DDX3X: variants seen among roughly 807,000 people sequenced by gnomAD.
DDX3X encodes the protein ATP-dependent RNA helicase DDX3X.
DDX3X carries 4 observed loss-of-function variants against 52.7 expected under a neutral mutation model. The ratio of observed to expected loss-of-function variants is 0.08; its 90% CI spans 0.04 to 0.17. The LOEUF is 0.17. Ranked by LOEUF, DDX3X falls within the 10% of genes least tolerant of loss-of-function variation. The pLI is 1.00. For missense variants in DDX3X, 222 were observed against 548.6 expected (o/e 0.40, Z 5.95); for synonymous variants, 192 against 178.1 (o/e 1.08, Z -0.62).
chrX:41,340,898 G>A (rs777443120), intron 3 of DDX3X: 50 of 291,230 alleles, frequency 1.7e-4, no homozygotes, highest in Admixed American at 3.7e-4. Flanking sequence ...GTCATAATGC[G>A]TTACAGGCAA....
At chrX:41,351,151 CATG>C (rs1265764531), downstream of DDX3X, 1 of 111,431 alleles carries the variant, frequency 9.0e-6, no homozygotes, top group African/African-American at 3.3e-5. Context: ...GAAAGTGACT[CATG>C]GAGTGAAACG....
At chrX:41,356,763 G>A (rs1313980690) in intron 5 of DDX3X, among the ~76,000 whole-genome samples, 1 of 109,047 alleles carries the variant, frequency 9.2e-6, no homozygotes, top group Non-Finnish European at 1.9e-5. Context: ...GTGCCCGGCC[G>A]GCATCATTCG....
rs762467559 is a variant in DDX3X at position 41,347,747 on chromosome X, A to T, written c.*28A>T. On this transcript the variant is annotated 3_prime_UTR_variant, in exon 17 of 17. Coordinates refer to ENST00000644876, the MANE Select transcript of DDX3X (RefSeq NM_001356.5). ...CTGCTTTGCAGTAGGTCACCCTGCC[A>T]AACAAGCTAATATGGAAACCACATG... The T allele has an allele frequency of 3.9e-6, 4 of 1,023,172 alleles. No individual in the cohort carries two copies. In the Admixed American group the frequency reaches 1.1e-4, roughly 27 times the overall value. The allele number at this position is 1,023,172 out of a possible 1,213,427, so 84.3% of individuals were successfully genotyped here.
intron 2 of DDX3X, chrX:41,337,854 T>C (rs1312695295): frequency 2.4e-5 from 3 of 122,984 alleles, no homozygotes; most frequent in Admixed American, 1.8e-4. Flanking sequence ...GAAAGAACCT[T>C]ATTATATCAA....
chrX:41,334,534 G>T lies in DDX3X; in HGVS notation c.45+237G>T, dbSNP rs769551044. On this transcript the variant is annotated intron_variant, in intron 1 of 16. Transcript: ENST00000644876. ...GGACGAGCACAATGGCGGCTTTTGT[G>T]TGTGCGTGCGCAGGCGGGCGGAGGG... 3 of 1,095,380 alleles carry T rather than the reference G, an allele frequency of 2.7e-6. No individual in the cohort carries two copies. In the African/African-American group the frequency reaches 5.5e-5, roughly 20 times the overall value. The allele number at this position is 1,095,380 out of a possible 1,213,427, so 90.3% of individuals were successfully genotyped here. A position where few individuals can be genotyped will look rare whatever the true frequency, so the allele number is the denominator to read the frequency against.
chrX:41,352,952 G>A (rs2063994541), downstream of DDX3X, among the ~76,000 whole-genome samples: 1 of 111,726 alleles, frequency 9.0e-6, no homozygotes, highest in African/African-American at 3.3e-5. Flanking sequence ...AATTAAAACA[G>A]ATATTGCAAA....
At position 41,344,423 on chromosome X, in the gene DDX3X, T is replaced by G. The variant is rs41305225; in HGVS notation, c.1025+24T>G. 92,315 of 1,203,628 alleles carry G rather than the reference T, an allele frequency of 0.077. 3,459 individuals carry two copies. The highest frequency in any genetic ancestry group is 0.35 in the East Asian group (11,351 of 32,467). On this transcript the variant is annotated intron_variant, in intron 10 of 16. Coordinates refer to ENST00000644876, the MANE Select transcript of DDX3X (RefSeq NM_001356.5). ...AAGTATGTTTTATTTTGTTTTTGTT[T>G]TTTTGTTTTGTTTTGTTTTGTTCTT... is the stretch of plus-strand genomic sequence containing the variant.
chrX:41,341,424 C>G (rs56395484), intron 3 of DDX3X, 60 bp from the exon 4 acceptor site: 9 of 1,015,133 alleles, frequency 8.9e-6, no homozygotes, highest in Non-Finnish European at 1.2e-5. Context: ...TTGATAATAC[C>G]TTAACATGGT....
intron 10 of DDX3X, 52 bp downstream of exon 10, chrX:41,344,451 GT>G: frequency 1.7e-6 from 2 of 1,190,233 alleles, no homozygotes; most frequent in Non-Finnish European, 2.3e-6. Flanking sequence ...TTGTTCTTTT[GT>G]TTTTGGCAGA....
At chrX:41,361,436 C>G (rs1411467026) in intron 5 of DDX3X, among the ~76,000 whole-genome samples, 4 of 110,612 alleles carry the variant, frequency 3.6e-5, no homozygotes, top group Non-Finnish European at 7.6e-5. Context: ...CACTTGAACC[C>G]GGGAGGCGGA....
At chrX:41,352,624 C>T (rs1334925252), downstream of DDX3X, among the ~76,000 whole-genome samples, 2 of 111,391 alleles carry the variant, frequency 1.8e-5, no homozygotes. Context: ...TTAGATTAGT[C>T]TTTCCTTTCT....
downstream of DDX3X, among the ~76,000 whole-genome samples, chrX:41,351,973 AAAC>A (rs1338191870): frequency 8.9e-6 from 1 of 112,051 alleles, no homozygotes; most frequent in Non-Finnish European, 1.9e-5. Flanking sequence ...AGGTGTCTCA[AAAC>A]AAGATAAAGT....
intron 3 of DDX3X, 153 bp from the exon 4 acceptor site, chrX:41,341,331 C>T (rs1024395441): frequency 1.9e-5 from 8 of 432,341 alleles, no homozygotes; most frequent in African/African-American, 7.5e-5. Context: ...AAACTTTGTC[C>T]GGGTGTAAAC....
chrX:41,337,640 GC>G, intron 2 of DDX3X, 175 bp downstream of exon 2: 1 of 316,749 alleles, frequency 3.2e-6, no homozygotes. Flanking sequence ...AAGCATCGTT[GC>G]CTTTTTTTTT....
chrX:41,335,009 G>C (rs2063742523), intron 1 of DDX3X: 1 of 107,179 alleles, frequency 9.3e-6, no homozygotes, highest in African/African-American at 3.5e-5. Flanking sequence ...GCCGCAGCCG[G>C]GGAGGCTGCG....
Position 41,347,846 on chromosome X carries a change from A to ATT in DDX3X, c.*136_*137dup. ...TTACCAGCTGTGATTCTCCACTGAA[A>ATT]TTTTTTTTTTAAGGGAGCTCAAGGT... On this transcript the variant is annotated 3_prime_UTR_variant, in exon 17 of 17. Transcript: ENST00000644876. The ATT allele has an allele frequency of 9.3e-6, 4 of 428,203 alleles. No homozygotes were observed. Among genetic ancestry groups the ATT allele is most frequent in the Non-Finnish European group, 1.6e-5 (4 of 253,870 alleles). The allele number at this position is 428,203 out of a possible 1,213,427, so 35.3% of individuals were successfully genotyped here. A position where few individuals can be genotyped will look rare whatever the true frequency, so the allele number is the denominator to read the frequency against.
Position 41,337,870 on chromosome X carries a change from C to T in DDX3X, c.103+405C>T, listed in dbSNP as rs192308997. ...AAAGAACCTTATTATATCAAATTAT[C>T]TCTAGAAGAGTTTTTGTCCATTATA... On this transcript the variant is annotated intron_variant, in intron 2 of 16. Transcript: ENST00000644876. The T allele has an allele frequency of 4.2e-5, 5 of 119,361 alleles. No homozygotes were observed. The East Asian group carries it at 7.9e-4, about 19-fold the overall frequency. 9.8% of individuals were successfully genotyped at this position (119,361 alleles called of 1,213,427 possible).
chrX:41,347,175 GAC>G (rs1345411041), intron 15 of DDX3X, 135 bp from the exon 16 acceptor site: 1 of 929,795 alleles, frequency 1.1e-6, no homozygotes, highest in Non-Finnish European at 1.5e-6. Flanking sequence ...TAGAATGGGT[GAC>G]ACTCTGTTGG....
chrX:41,338,723 C>G (rs1877649620), intron 2 of DDX3X: 1 of 113,922 alleles, frequency 8.8e-6, no homozygotes, highest in Admixed American at 9.5e-5. Flanking sequence ...TGACAGTTCT[C>G]TTAAATCTAG....
Sources: gnomAD v4.1 joint callset for allele counts (sites outside exome capture counted in the v4.1 genomes callset) on GRCh38, gnomAD v4.1.1 for gene constraint, MANE v1.5 for transcripts, NCBI Gene and HGNC (gene_info 2026-07-23, HGNC 2026-07-21) for gene names.